Variants in SHANK2 observed in about 807,000 individuals in gnomAD.
SHANK2 encodes SH3 and multiple ankyrin repeat domains protein 2.
SHANK2 carries 43 observed loss-of-function variants against 133.7 expected under a neutral mutation model. The observed-to-expected ratio is 0.32, with a 90% confidence interval of 0.25 to 0.41. SHANK2 has a LOEUF of 0.41. Ranked by LOEUF, SHANK2 falls within the 10% of genes least tolerant of loss-of-function variation. The pLI is 1.00. For synonymous variants in SHANK2, 1,017 were observed against 952.8 expected, an observed-to-expected ratio of 1.07 and a Z score of -1.24; for missense variants, 1,994 against 2,235.8, an observed-to-expected ratio of 0.89 and a Z score of 2.18.
chr11:71,157,833 A>G (rs1453701664), intron 2 of SHANK2, among the ~76,000 whole-genome samples: 1 of 152,130 alleles, frequency 6.6e-6, no homozygotes, highest in Non-Finnish European at 1.5e-5. Context: ...CGACTTGCCC[A>G]AGGTAAAAGG....
At chr11:70,712,725 C>T (rs923725282) in intron 14 of SHANK2, among the ~76,000 whole-genome samples, 7 of 152,244 alleles carry the variant, frequency 4.6e-5, no homozygotes, top group Non-Finnish European at 1.5e-5. Flanking sequence ...GATGGTTCCT[C>T]GCTCGGCTAA....
At chr11:71,083,823 C>T (rs970968205) in intron 8 of SHANK2, among the ~76,000 whole-genome samples, 139 of 152,318 alleles carry the variant, frequency 9.1e-4, no homozygotes, top group African/African-American at 3.2e-3. Flanking sequence ...CCAAATCTGA[C>T]CCCTGATGTC....
chr11:70,763,614 AC>A (rs1565300381), intron 14 of SHANK2, among the ~76,000 whole-genome samples: 1 of 152,176 alleles, frequency 6.6e-6, no homozygotes, highest in Non-Finnish European at 1.5e-5. Context: ...GGCCAACAGC[AC>A]CCACAGAAAG....
chr11:70,792,814 G>T (rs1477877414), intron 14 of SHANK2, among the ~76,000 whole-genome samples: 1 of 152,158 alleles, frequency 6.6e-6, no homozygotes, highest in Non-Finnish European at 1.5e-5. Flanking sequence ...GGCCAGGCAT[G>T]GTGGCTCACA....
chr11:70,496,014 G>GT (rs1319767193), intron 21 of SHANK2, among the ~76,000 whole-genome samples: 2 of 152,222 alleles, frequency 1.3e-5, no homozygotes. Flanking sequence ...AGAGGCTAAG[G>GT]TGGCAGCTGG....
chr11:70,489,367 T>A lies in SHANK2; in HGVS notation c.2552-19A>T. The A allele has an allele frequency of 5.0e-6, 8 of 1,613,652 alleles. No individual in the cohort carries two copies. Among genetic ancestry groups the A allele is most frequent in the Non-Finnish European group, 6.8e-6 (8 of 1,179,598 alleles). On this transcript the variant is annotated intron_variant, in intron 23 of 25. Transcript: ENST00000601538. ...CTGCTGTCTGACAGGAGGAAATCAGTTGTTATTAACCAGTAACCGCAAGAC... is the reference window on the plus strand; with the variant it reads ...CTGCTGTCTGACAGGAGGAAATCAGATGTTATTAACCAGTAACCGCAAGAC...
chr11:70,717,050 AC>A (rs1945946291), intron 14 of SHANK2, among the ~76,000 whole-genome samples: 1 of 152,118 alleles, frequency 6.6e-6, no homozygotes, highest in Non-Finnish European at 1.5e-5. Context: ...CTCCCTCTCC[AC>A]CGTTACCACG....
intron 15 of SHANK2, among the ~76,000 whole-genome samples, chr11:70,686,877 AG>A (rs1945167042): frequency 6.6e-6 from 1 of 152,178 alleles, no homozygotes; most frequent in South Asian, 2.1e-4. Context: ...GTACCCCTCC[AG>A]AACCAGTCTC....
intron 6 of SHANK2, among the ~76,000 whole-genome samples, chr11:71,099,554 G>A (rs1951684166): frequency 6.6e-6 from 1 of 152,144 alleles, no homozygotes; most frequent in South Asian, 2.1e-4. Context: ...TGCTCAGAGA[G>A]GCAGAAAATG....
At chr11:70,898,411 T>C (rs1949973045) in intron 10 of SHANK2, among the ~76,000 whole-genome samples, 1 of 152,036 alleles carries the variant, frequency 6.6e-6, no homozygotes, top group Non-Finnish European at 1.5e-5. Context: ...GCTTTGGAAC[T>C]GGGTAATGAT....
At position 70,486,756 on chromosome 11, in the gene SHANK2, G is replaced by C. The variant is rs1298433775; in HGVS notation, c.3537C>G (p.Ala1179=). 5.0e-6 allele frequency: 8 copies of C among 1,610,932 alleles called. No individual in the cohort carries two copies. In the East Asian group the frequency reaches 1.3e-4, roughly 27 times the overall value. ...AGRPLNSTSK[A]QGPESSPAVP... ...CTGCTGGGCTGCTCTCGGGCCCCTG[G>C]GCTTTGGACGTGGAATTCAGCGGCC... is the stretch of plus-strand genomic sequence containing the variant. The change falls in exon 25 of 26, where the codon GCC becomes GCG. Residue 1179 remains alanine, a synonymous_variant. Coordinates refer to ENST00000601538, the MANE Select transcript of SHANK2 (RefSeq NM_012309.5). The surrounding 1 kb of genome is among the most constrained non-coding windows in gnomAD (Gnocchi z 8.0).
intron 2 of SHANK2, among the ~76,000 whole-genome samples, chr11:71,199,397 G>A (rs1183944166): frequency 6.6e-6 from 1 of 152,214 alleles, no homozygotes; most frequent in Non-Finnish European, 1.5e-5. Context: ...GGGCAGGCAG[G>A]AGCCAGACCG....
chr11:71,224,949 T>G lies in SHANK2; in HGVS notation c.-112-153A>C, dbSNP rs182325533. Among the ~76,000 whole-genome samples, 172 of 152,268 alleles carry G rather than the reference T, an allele frequency of 1.1e-3. 1 individual carries two copies. Among genetic ancestry groups the G allele is most frequent in the Admixed American group, 3.8e-3 (58 of 15,294 alleles). On this transcript the variant is annotated intron_variant, in intron 1 of 25. Transcript: ENST00000601538. The stretch of plus-strand genomic sequence containing the variant: ...TTGGAGTAGACACATTTTTCCCTAT[T>G]CCTCACACAAAGCACAACTAAAACT...
At position 71,094,634 on chromosome 11, in the gene SHANK2, G is replaced by C. The variant is rs1555094972; in HGVS notation, c.647C>G (p.Ala216Gly). ...CAGGTGAGCTCCACCATTTTTGAGA[G>C]CTTTGATGACCTCCACAGAGTCGTC... ...QLDDSVEVIKALKNGGAHLDF... is the reference protein window; with the variant it reads ...QLDDSVEVIKGLKNGGAHLDF... The change falls in exon 7 of 26, where the codon GCT (alanine) becomes GGT (glycine). Residue 216 changes from alanine (A) to glycine (G), a missense_variant. Physicochemically the swap from Ala to Gly is moderately conservative, Grantham distance 60 (BLOSUM62 0). This residue lies in a region of SHANK2 where 653 missense variants were observed against 563.4 expected (regional missense o/e 1.16). Coordinates refer to ENST00000601538, the MANE Select transcript of SHANK2 (RefSeq NM_012309.5). 1.9e-6 allele frequency: 3 copies of C among 1,551,798 alleles called. No homozygotes were observed. In the South Asian group the frequency reaches 3.6e-5, roughly 18 times the overall value.
intron 17 of SHANK2, among the ~76,000 whole-genome samples, chr11:70,636,998 G>A (rs1555004507): frequency 6.6e-6 from 1 of 151,978 alleles, no homozygotes; most frequent in East Asian, 1.9e-4. Flanking sequence ...GTCTGGCGGC[G>A]GGAAGTCTAA....
intron 15 of SHANK2, among the ~76,000 whole-genome samples, chr11:70,691,192 TGG>T (rs1198426504): frequency 6.6e-6 from 1 of 151,810 alleles, no homozygotes; most frequent in Non-Finnish European, 1.5e-5. Context: ...AGCCGGACTG[TGG>T]GGTGCTAAGG....
intron 21 of SHANK2, among the ~76,000 whole-genome samples, chr11:70,494,075 A>T (rs1472243686): frequency 3.3e-5 from 5 of 152,168 alleles, no homozygotes; most frequent in Admixed American, 6.5e-5. Context: ...GGCAGCCCAG[A>T]CCAGAGGTCC....
intron 11 of SHANK2, among the ~76,000 whole-genome samples, chr11:70,890,422 T>G (rs1253412541): frequency 2.7e-5 from 4 of 148,860 alleles, no homozygotes; most frequent in Admixed American, 2.7e-4. Context: ...ATGTGGATGA[T>G]GAAGTCAAGA....
chr11:71,065,881 G>A (rs1382313734), intron 9 of SHANK2, among the ~76,000 whole-genome samples: 29 of 75,492 alleles, frequency 3.8e-4, no homozygotes, highest in African/African-American at 1.9e-3. Context: ...GGGGAAGTTG[G>A]GGGGGATACA....
Sources: allele counts gnomAD v4.1 joint callset (sites outside exome capture counted in the v4.1 genomes callset), GRCh38; gene constraint gnomAD v4.1.1; regional missense constraint gnomAD v4.1.1; non-coding constraint Gnocchi (gnomAD v3.1); transcripts MANE v1.5; gene names NCBI Gene and HGNC (gene_info 2026-07-23, HGNC 2026-07-21).